The following CBFA2T2 variants were observed in gnomAD, a reference collection of about 807,000 sequenced individuals.
CBFA2T2 encodes the protein protein CBFA2T2.
In CBFA2T2, 11 loss-of-function variants were observed where a neutral mutation model predicts 62.2. The observed-to-expected ratio is 0.18, with a 90% CI of 0.11 to 0.29. The LOEUF is 0.29. Among genes scored for constraint, CBFA2T2 ranks in the 10% least tolerant of loss-of-function variants. The pLI is 1.00. For missense variants in CBFA2T2, 592 were observed against 774.1 expected (o/e 0.76, Z 2.79); for synonymous variants, 295 against 287.5 (o/e 1.03, Z -0.27).
chr20:33,586,263 C>G (rs2014365205), intron 1 of CBFA2T2, among the ~76,000 whole-genome samples: 1 of 152,150 alleles, frequency 6.6e-6, no homozygotes, highest in Non-Finnish European at 1.5e-5. Flanking sequence ...ATTGCAACCT[C>G]TGCCTCCCAG....
At chr20:33,581,480 T>TTGTGTGTGTG (rs3051490) in intron 1 of CBFA2T2, among the ~76,000 whole-genome samples, 11 of 150,662 alleles carry the variant, frequency 7.3e-5, no homozygotes, top group Middle Eastern at 3.4e-3. Context: ...TTTTTGTTCT[T>TTGTGTGTGTG]TGTGTGTGTG....
chr20:33,644,669 A>G lies in CBFA2T2; in HGVS notation c.*23A>G, dbSNP rs777689318. The G allele has an allele frequency of 6.4e-7, 1 of 1,574,570 alleles. No individual in the cohort carries two copies. The highest frequency in any genetic ancestry group is 8.7e-7 in the Non-Finnish European group (1 of 1,155,052). On this transcript the variant is annotated 3_prime_UTR_variant, in exon 11 of 11. Coordinates refer to ENST00000342704, the MANE Select transcript of CBFA2T2 (RefSeq NM_001032999.3). ...TGAGCCCCGGACTCTGCTTACCCTG[A>G]TGGCTGCTCAGCACCACAGAGTGCT...
At chr20:33,493,353 G>A (rs2011163721) in intron 1 of CBFA2T2, among the ~76,000 whole-genome samples, 1 of 152,156 alleles carries the variant, frequency 6.6e-6, no homozygotes, top group Non-Finnish European at 1.5e-5. Flanking sequence ...TGGGATTACA[G>A]GCATGAGTAA....
chr20:33,553,432 A>AT (rs1421530548), intron 1 of CBFA2T2, among the ~76,000 whole-genome samples: 2 of 152,174 alleles, frequency 1.3e-5, no homozygotes, highest in African/African-American at 4.8e-5. Context: ...TGGTTTCACC[A>AT]TATTGGTCAG....
intron 1 of CBFA2T2, among the ~76,000 whole-genome samples, chr20:33,528,314 CAGAA>C (rs1216651919): frequency 2.0e-5 from 3 of 152,156 alleles, no homozygotes; most frequent in South Asian, 2.1e-4. Context: ...CTAAGCAAGA[CAGAA>C]AGACAGATGA....
At chr20:33,582,269 G>A (rs895652672) in intron 1 of CBFA2T2, among the ~76,000 whole-genome samples, 2 of 151,788 alleles carry the variant, frequency 1.3e-5, no homozygotes, top group Admixed American at 6.6e-5. Context: ...GAGGTGGGTG[G>A]ATCGTCTGAG....
intron 1 of CBFA2T2, among the ~76,000 whole-genome samples, chr20:33,575,253 C>G (rs1342575878): frequency 2.0e-5 from 3 of 152,292 alleles, no homozygotes; most frequent in Non-Finnish European, 4.4e-5. Flanking sequence ...TATTTCTAGT[C>G]ATTATGGTTT....
At chr20:33,597,835 A>G (rs2014955195) in intron 1 of CBFA2T2, among the ~76,000 whole-genome samples, 1 of 152,190 alleles carries the variant, frequency 6.6e-6, no homozygotes, top group African/African-American at 2.4e-5. Flanking sequence ...ACAGGGTCTC[A>G]TATCGGGGAA....
intron 1 of CBFA2T2, among the ~76,000 whole-genome samples, chr20:33,501,548 A>G (rs1024204594): frequency 1.3e-5 from 2 of 150,220 alleles, no homozygotes; most frequent in Non-Finnish European, 3.0e-5. Flanking sequence ...TTCCCCAGCC[A>G]ATTGCTGAAA....
At chr20:33,541,916 T>A (rs2012418922) in intron 1 of CBFA2T2, among the ~76,000 whole-genome samples, 1 of 152,166 alleles carries the variant, frequency 6.6e-6, no homozygotes, top group Non-Finnish European at 1.5e-5. Context: ...TCTTACTCTG[T>A]CACCCAGGCT....
chr20:33,530,420 ATTGT>A lies in CBFA2T2; in HGVS notation c.34+40126_34+40129del, dbSNP rs540909364. Among the ~76,000 whole-genome samples, 331 of 151,972 alleles carry A rather than the reference ATTGT, an allele frequency of 2.2e-3. 1 individual carries two copies. The highest frequency in any genetic ancestry group is 7.7e-3 in the African/African-American group (320 of 41,470). On this transcript the variant is annotated intron_variant, in intron 1 of 10. Transcript: ENST00000342704. ...GAACCAGCTTTTAGGTCTGATGCCCATTGTTTGTTTTTTTTGAAACAGAGTCTCA... is the reference window on the plus strand; with the variant it reads ...GAACCAGCTTTTAGGTCTGATGCCCATTGTTTTTTTTGAAACAGAGTCTCA...
chr20:33,576,692 G>T (rs942166362), intron 1 of CBFA2T2, among the ~76,000 whole-genome samples: 6 of 152,266 alleles, frequency 3.9e-5, no homozygotes, highest in African/African-American at 1.2e-4. Context: ...CACCAGGAGG[G>T]CGCCAGCAAG....
chr20:33,507,506 T>A (rs2011424674), intron 1 of CBFA2T2, among the ~76,000 whole-genome samples: 1 of 152,204 alleles, frequency 6.6e-6, no homozygotes, highest in South Asian at 2.1e-4. Context: ...TTTAGCTAAT[T>A]TAACATTTGA....
intron 1 of CBFA2T2, among the ~76,000 whole-genome samples, chr20:33,568,126 A>G (rs1308882888): frequency 6.6e-6 from 1 of 152,088 alleles, no homozygotes; most frequent in African/African-American, 2.4e-5. Context: ...TTTAACCTTC[A>G]CCTCTAAGCC....
chr20:33,492,581 C>T (rs1411083232), intron 1 of CBFA2T2, among the ~76,000 whole-genome samples: 1 of 152,020 alleles, frequency 6.6e-6, no homozygotes, highest in East Asian at 1.9e-4. Context: ...GTGGCGTCAT[C>T]ATGGCCCACA....
intron 1 of CBFA2T2, chr20:33,601,800 T>C (rs2015144231): frequency 7.5e-6 from 1 of 133,052 alleles, no homozygotes. Context: ...TAAACTGTTA[T>C]TCTAATAGAT....
chr20:33,621,313 T>TTTTTTTG (rs1491565812), intron 4 of CBFA2T2, among the ~76,000 whole-genome samples: 1 of 108,098 alleles, frequency 9.3e-6, no homozygotes, highest in East Asian at 2.8e-4. Flanking sequence ...TTTTTTTTTT[T>TTTTTTTG]GGGGAGACAA....
At chr20:33,606,272 A>G (rs941512894) in intron 1 of CBFA2T2, among the ~76,000 whole-genome samples, 3 of 152,232 alleles carry the variant, frequency 2.0e-5, no homozygotes, top group Admixed American at 6.5e-5. Flanking sequence ...GAGGTAAGCT[A>G]TATTTGTAAC....
rs181102118 is a variant in CBFA2T2 at position 33,639,303 on chromosome 20, G to A, written c.1298-1038G>A. 1.4e-3 allele frequency: 208 copies of A among 152,364 alleles called. 1 individual carries two copies. Among genetic ancestry groups the A allele is most frequent in the Middle Eastern group, 0.01 (3 of 296 alleles). The allele number at this position is 152,364 out of a possible 1,614,324, so 9.4% of individuals were successfully genotyped here. On this transcript the variant is annotated intron_variant, in intron 9 of 10. Transcript: ENST00000342704. ...AAATAAAGTCAAGCCGACTGGGCAC[G>A]GTGGCTCATGCCTGTAATCCCAGCA...
Sources: gnomAD v4.1 joint callset for allele counts (sites outside exome capture counted in the v4.1 genomes callset) on GRCh38, gnomAD v4.1.1 for gene constraint, MANE v1.5 for transcripts, NCBI Gene and HGNC (gene_info 2026-07-23, HGNC 2026-07-21) for gene names.